Variants in AQP1 observed in about 807,000 individuals in gnomAD.
The protein encoded by AQP1 is aquaporin-1.
In AQP1, 11 loss-of-function variants were observed where a neutral mutation model predicts 19.7. The observed-to-expected ratio is 0.56, with a 90% CI of 0.35 to 0.92. The LOEUF (loss-of-function observed/expected upper bound fraction) is 0.92, where lower values mean the gene tolerates loss of function less well. AQP1 is among the 40% of genes least tolerant of loss of function. The probability of loss-of-function intolerance (pLI) is 0.01; values close to 1 mark genes in which losing one functional copy is unlikely to be tolerated. For missense variants in AQP1, 320 were observed against 369.7 expected (o/e 0.87, Z 1.10); for synonymous variants, 159 against 166.7 (o/e 0.95, Z 0.36).
Position 30,923,691 on chromosome 7 carries a change from G to C in AQP1, c.*62G>C, listed in dbSNP as rs907623223. ...GGCAGGGGCGGGCGGAGGGAGGGGAGGGGTGAAATCCATACTGTAGACACT... is the reference window on the plus strand; with the variant it reads ...GGCAGGGGCGGGCGGAGGGAGGGGACGGGTGAAATCCATACTGTAGACACT... On this transcript the variant is annotated 3_prime_UTR_variant, in exon 4 of 4. Coordinates refer to ENST00000311813, the MANE Select transcript of AQP1 (RefSeq NM_198098.4). The surrounding 1 kb of genome is among the most constrained non-coding windows in gnomAD (Gnocchi z 4.8). 3.1e-5 allele frequency: 47 copies of C among 1,528,746 alleles called. 1 individual carries two copies. In the East Asian group the frequency reaches 1.1e-3, roughly 34 times the overall value. The allele number at this position is 1,528,746 out of a possible 1,614,324, so 94.7% of individuals were successfully genotyped here. A position where few individuals can be genotyped will look rare whatever the true frequency, so the allele number is the denominator to read the frequency against.
At chr7:30,916,331 A>C (rs1236116050) in intron 1 of AQP1, among the ~76,000 whole-genome samples, 1 of 152,226 alleles carries the variant, frequency 6.6e-6, no homozygotes, top group Non-Finnish European at 1.5e-5. Flanking sequence ...AGCTCACTGC[A>C]AGCCAATTCC....
rs1280879987 is a variant in AQP1 at position 30,911,976 on chromosome 7, C to G, written c.67C>G (p.Leu23Val). Residue 23 changes from leucine to valine, a missense_variant, in exon 1 of 4, where the codon CTC (leucine) becomes GTC (valine). Coordinates refer to ENST00000311813, the MANE Select transcript of AQP1 (RefSeq NM_198098.4). ...AVVAEFLATT[L>V]FVFISIGSAL... ...GGTGGCCGAGTTCCTGGCCACGACC[C>G]TCTTTGTCTTCATCAGCATCGGTTC... 2 of 1,613,654 alleles carry G rather than the reference C, an allele frequency of 1.2e-6. No individual in the cohort carries two copies. The highest frequency in any genetic ancestry group is 1.7e-6 in the Non-Finnish European group (2 of 1,180,044).
intron 1 of AQP1, chr7:30,921,420 G>A (rs1293843400): frequency 7.7e-6 from 11 of 1,430,572 alleles, no homozygotes; most frequent in African/African-American, 1.4e-5. Context: ...GAGAGACAGG[G>A]AGGGCAGGGC....
chr7:30,923,872 G>A lies in AQP1; in HGVS notation c.*243G>A. 6.6e-7 allele frequency: 1 copy of A among 1,504,104 alleles called. No individual in the cohort carries two copies. Among genetic ancestry groups the A allele is most frequent in the Non-Finnish European group, 8.9e-7 (1 of 1,121,884 alleles). 93.2% of individuals were successfully genotyped at this position (1,504,104 alleles called of 1,614,324 possible). On this transcript the variant is annotated 3_prime_UTR_variant, in exon 4 of 4. Transcript: ENST00000311813. The surrounding 1 kb of genome is among the most constrained non-coding windows in gnomAD (Gnocchi z 4.8). ...TTACCAATTCACCCACTCCCTTGAA[G>A]TTGTGGAGGAGGTGAAAGAAAGGGA...
intron 1 of AQP1, among the ~76,000 whole-genome samples, chr7:30,919,773 G>A (rs1791450974): frequency 6.6e-6 from 1 of 152,164 alleles, no homozygotes; most frequent in Non-Finnish European, 1.5e-5. Flanking sequence ...AGGCCTTTGA[G>A]TGCCCCTTCC....
At position 30,923,474 on chromosome 7, in the gene AQP1, G is replaced by A. The variant is rs752063738; in HGVS notation, c.655G>A (p.Gly219Arg). ...GATTTTCTGGGTGGGGCCATTCATCGGGGGAGCCCTGGCTGTACTCATCTA... is the reference window on the plus strand; with the variant it reads ...GATTTTCTGGGTGGGGCCATTCATCAGGGGAGCCCTGGCTGTACTCATCTA... ...HWIFWVGPFI[G>R]GALAVLIYDF... The change falls in exon 4 of 4, where the codon GGG becomes AGG. Residue 219 changes from glycine to arginine, a missense_variant. Transcript: ENST00000311813. The surrounding 1 kb of genome is among the most constrained non-coding windows in gnomAD (Gnocchi z 4.8). 7 of 1,613,940 alleles carry A rather than the reference G, an allele frequency of 4.3e-6. No individual in the cohort carries two copies. Among genetic ancestry groups the A allele is most frequent in the East Asian group, 4.5e-5 (2 of 44,876 alleles).
intron 1 of AQP1, among the ~76,000 whole-genome samples, chr7:30,916,417 G>C (rs1222891294): frequency 2.0e-5 from 3 of 152,278 alleles, no homozygotes; most frequent in African/African-American, 7.2e-5. Context: ...GCACCAATGA[G>C]TCTGGAGTCT....
intron 1 of AQP1, among the ~76,000 whole-genome samples, chr7:30,919,386 G>C (rs935912201): frequency 3.9e-5 from 6 of 152,188 alleles, no homozygotes; most frequent in African/African-American, 1.2e-4. Context: ...GCCTTGAGTA[G>C]TGGGCTTACA....
At chr7:30,913,103 G>A (rs1014210671) in intron 1 of AQP1, among the ~76,000 whole-genome samples, 1 of 152,110 alleles carries the variant, frequency 6.6e-6, no homozygotes, top group African/African-American at 2.4e-5. Context: ...GTGTGGGGGT[G>A]AGTTTGCAAC....
At position 30,922,134 on chromosome 7, in the gene AQP1, A is replaced by G. The variant is rs760764989; in HGVS notation, c.453A>G (p.Leu151=). 2.2e-5 allele frequency: 35 copies of G among 1,613,600 alleles called. No homozygotes were observed. Among genetic ancestry groups the G allele is most frequent in the African/African-American group, 1.5e-4 (11 of 74,842 alleles). The change falls in exon 2 of 4, where the codon CTA becomes CTG. Residue 151 remains leucine (L), a synonymous_variant. Coordinates refer to ENST00000311813, the MANE Select transcript of AQP1 (RefSeq NM_198098.4). ...IEIIGTLQLV[L]CVLATTDRRR... The stretch of plus-strand genomic sequence containing the variant: ...TCATCGGGACCCTCCAGCTGGTGCT[A>G]TGCGTGCTGGCTACTACCGACCGGA...
At chr7:30,920,161 G>C (rs1299156816) in intron 1 of AQP1, among the ~76,000 whole-genome samples, 1 of 152,190 alleles carries the variant, frequency 6.6e-6, no homozygotes, top group Non-Finnish European at 1.5e-5. Context: ...GGGGCTGGGA[G>C]GGTTCTCCAA....
chr7:30,915,362 GC>G (rs5883264), intron 1 of AQP1, among the ~76,000 whole-genome samples: 30,099 of 152,088 alleles, frequency 0.2, 3,482 homozygotes, highest in African/African-American at 0.31. Context: ...GTCAGGGCGG[GC>G]CCGGGAACTT....
rs1016278358 is a variant in AQP1 at position 30,912,993 on chromosome 7, CGT to C, written c.384+712_384+713del. 1.3e-5 allele frequency among the ~76,000 whole-genome samples: 2 copies of C among 151,074 alleles called. No homozygotes were observed. The highest frequency in any genetic ancestry group is 2.4e-5 in the African/African-American group (1 of 41,134). On this transcript the variant is annotated intron_variant, in intron 1 of 3. Coordinates refer to ENST00000311813, the MANE Select transcript of AQP1 (RefSeq NM_198098.4). The surrounding 1 kb of genome is among the most constrained non-coding windows in gnomAD (Gnocchi z 4.3). ...TGGCGTGTGTGTGCATGTGCGTGTG[CGT>C]GTGTGTGTGTGAAGGTGTGTATGTG...
At position 30,923,941 on chromosome 7, in the gene AQP1, A is replaced by C; in HGVS notation, c.*312A>C. The C allele has an allele frequency of 7.0e-7, 1 of 1,428,354 alleles. No individual in the cohort carries two copies. Among genetic ancestry groups the C allele is most frequent in the South Asian group, 1.1e-5 (1 of 87,338 alleles). The allele number at this position is 1,428,354 out of a possible 1,614,324, so 88.5% of individuals were successfully genotyped here. On this transcript the variant is annotated 3_prime_UTR_variant, in exon 4 of 4. Coordinates refer to ENST00000311813, the MANE Select transcript of AQP1 (RefSeq NM_198098.4). The surrounding 1 kb of genome is among the most constrained non-coding windows in gnomAD (Gnocchi z 4.8). ...CTCAGAGCATGATGGGAGGTGTGCC[A>C]GAAAGTCCCCCCTCGCCCCAAAGTT...
In AQP1 at chr7:30,912,861, A is replaced by T. The variant is rs1259200836; in HGVS notation, c.384+568A>T. Among the ~76,000 whole-genome samples the T allele has an allele frequency of 1.3e-5, 2 of 152,168 alleles. No individual in the cohort carries two copies. The highest frequency in any genetic ancestry group is 2.9e-5 in the Non-Finnish European group (2 of 68,030). On this transcript the variant is annotated intron_variant, in intron 1 of 3. Coordinates refer to ENST00000311813, the MANE Select transcript of AQP1 (RefSeq NM_198098.4). The surrounding 1 kb of genome is among the most constrained non-coding windows in gnomAD (Gnocchi z 4.3). Reference sequence around the variant, plus strand: ...TTGCCCCTGAGATTAGACAAAGATAAGGGAGTGAAAACACTCTCTGGGGCT... The same window carrying T: ...TTGCCCCTGAGATTAGACAAAGATATGGGAGTGAAAACACTCTCTGGGGCT...
rs774540019 is a variant in AQP1 at position 30,912,982 on chromosome 7, ATGTGCG to A, written c.384+700_384+705del. On this transcript the variant is annotated intron_variant, in intron 1 of 3. Transcript: ENST00000311813. The surrounding 1 kb of genome is among the most constrained non-coding windows in gnomAD (Gnocchi z 4.3). ...ACTGAGAGGTGTGGCGTGTGTGTGC[ATGTGCG>A]TGTGCGTGTGTGTGTGTGAAGGTGT... is the stretch of plus-strand genomic sequence containing the variant. Among the ~76,000 whole-genome samples the A allele has an allele frequency of 6.6e-5, 10 of 151,616 alleles. No homozygotes were observed. The highest frequency in any genetic ancestry group is 1.9e-4 in the East Asian group (1 of 5,140).
chr7:30,916,577 G>A (rs377403693), intron 1 of AQP1, among the ~76,000 whole-genome samples: 4 of 152,256 alleles, frequency 2.6e-5, no homozygotes, highest in Admixed American at 2.6e-4. Context: ...TGGTGCCCAG[G>A]GGGATCATGA....
At position 30,924,095 on chromosome 7, in the gene AQP1, A is replaced by T; in HGVS notation, c.*466A>T. The T allele has an allele frequency of 8.3e-7, 1 of 1,202,844 alleles. No homozygotes were observed. The highest frequency in any genetic ancestry group is 1.5e-5 in the South Asian group (1 of 65,530). The allele number at this position is 1,202,844 out of a possible 1,614,324, so 74.5% of individuals were successfully genotyped here. ...GGTGCTTGGAGGGGGAAGAGATCCC[A>T]GGAGGTGCAGTGGAGGGGGCAAGCT... On this transcript the variant is annotated 3_prime_UTR_variant, in exon 4 of 4. Coordinates refer to ENST00000311813, the MANE Select transcript of AQP1 (RefSeq NM_198098.4).
rs1791610454 is a variant in AQP1 at position 30,924,029 on chromosome 7, A to G, written c.*400A>G. 2 of 1,313,604 alleles carry G rather than the reference A, an allele frequency of 1.5e-6. No homozygotes were observed. The highest frequency in any genetic ancestry group is 2.1e-5 in the Admixed American group (1 of 46,704). The allele number at this position is 1,313,604 out of a possible 1,614,324, so 81.4% of individuals were successfully genotyped here. A position where few individuals can be genotyped will look rare whatever the true frequency, so the allele number is the denominator to read the frequency against. ...CCGTAATTGCTTTGTGCCTTTGGGCACGGCCCTCCTTCTTTTCCTAACATG... is the reference window on the plus strand; with the variant it reads ...CCGTAATTGCTTTGTGCCTTTGGGCGCGGCCCTCCTTCTTTTCCTAACATG... On this transcript the variant is annotated 3_prime_UTR_variant, in exon 4 of 4. Transcript: ENST00000311813.
Sources: allele counts gnomAD v4.1 joint callset (sites outside exome capture counted in the v4.1 genomes callset), GRCh38; gene constraint gnomAD v4.1.1; non-coding constraint Gnocchi (gnomAD v3.1); transcripts MANE v1.5; gene names NCBI Gene and HGNC (gene_info 2026-07-23, HGNC 2026-07-21).